The following C12orf42 variants were observed in gnomAD, a reference collection of about 807,000 sequenced individuals.
The protein encoded by C12orf42 is uncharacterized protein C12orf42.
C12orf42 carries 25 observed loss-of-function variants against 21.6 expected under a neutral mutation model. The ratio of observed to expected loss-of-function variants is 1.16; its 90% CI spans 0.84 to 1.62. C12orf42 has a LOEUF of 1.62. Ranked by LOEUF, C12orf42 falls within the 40% of genes most tolerant of loss-of-function variation. The probability of loss-of-function intolerance (pLI) is 0.00; values close to 1 mark genes in which losing one functional copy is unlikely to be tolerated. For synonymous variants in C12orf42, 174 were observed against 175.0 expected (o/e 0.99, Z 0.05); for missense variants, 483 against 459.3 (o/e 1.05, Z -0.47).
At chr12:103,497,982 C>T (rs192615663), upstream of C12orf42, among the ~76,000 whole-genome samples, 17 of 151,644 alleles carry the variant, frequency 1.1e-4, no homozygotes, top group Middle Eastern at 3.4e-3. Context: ...TTGCAGTGAG[C>T]AGAGACAGCG....
At chr12:103,560,335 G>A in the C12orf42 span, among the ~76,000 whole-genome samples, 4 of 152,282 alleles carry the variant, frequency 2.6e-5, no homozygotes, top group South Asian at 8.3e-4. Flanking sequence ...TGAAGCCAGA[G>A]ACAGTGGATG....
chr12:103,164,551 A>G, the C12orf42 span: 1 of 433,226 alleles, frequency 2.3e-6, no homozygotes, highest in African/African-American at 2.0e-5. Flanking sequence ...TCTAAGGCAC[A>G]GGGGGTGGGT....
chr12:103,175,548 C>A, the C12orf42 span, among the ~76,000 whole-genome samples: 1 of 152,266 alleles, frequency 6.6e-6, no homozygotes, highest in South Asian at 2.1e-4. Context: ...GTGGCCTCGA[C>A]TGCCAAAAAG....
the C12orf42 span, among the ~76,000 whole-genome samples, chr12:103,501,761 G>A: frequency 6.6e-6 from 1 of 152,102 alleles, no homozygotes; most frequent in Non-Finnish European, 1.5e-5. Flanking sequence ...TTACACAAAA[G>A]CACCATTTGG....
At chr12:103,379,590 G>A (rs1006847278) in intron 3 of C12orf42, among the ~76,000 whole-genome samples, 12 of 152,276 alleles carry the variant, frequency 7.9e-5, no homozygotes, top group South Asian at 2.1e-4. Flanking sequence ...TCTCTGTAGC[G>A]ATGGGGTTTG....
At chr12:103,532,556 G>C in the C12orf42 span, among the ~76,000 whole-genome samples, 1 of 152,072 alleles carries the variant, frequency 6.6e-6, no homozygotes, top group African/African-American at 2.4e-5. Context: ...ACATGTATTT[G>C]ATTGGCAGTA....
chr12:103,457,015 T>A (rs543007690), intron 2 of C12orf42, among the ~76,000 whole-genome samples: 11 of 152,180 alleles, frequency 7.2e-5, no homozygotes, highest in Non-Finnish European at 1.5e-4. Context: ...CTAAGAAGCT[T>A]AAATAACCCA....
intron 2 of C12orf42, among the ~76,000 whole-genome samples, chr12:103,471,036 T>G (rs1279321109): frequency 1.3e-5 from 2 of 152,212 alleles, no homozygotes; most frequent in Admixed American, 1.3e-4. Flanking sequence ...ATTGTTGTTT[T>G]ATACTCCTGT....
At chr12:103,209,451 G>A in the C12orf42 span, among the ~76,000 whole-genome samples, 355 of 152,282 alleles carry the variant, frequency 2.3e-3, 2 homozygotes, top group African/African-American at 8.3e-3. Flanking sequence ...CACCTTTTCA[G>A]CAAAGTTTCC....
At chr12:103,506,487 T>C in the C12orf42 span, among the ~76,000 whole-genome samples, 6 of 152,136 alleles carry the variant, frequency 3.9e-5, no homozygotes, top group African/African-American at 1.4e-4. Flanking sequence ...AATTTTACTG[T>C]ACGTTTTCTT....
intron 4 of C12orf42, among the ~76,000 whole-genome samples, chr12:103,359,102 C>G (rs1336284891): frequency 6.6e-6 from 1 of 152,052 alleles, no homozygotes; most frequent in Non-Finnish European, 1.5e-5. Context: ...GGCCAAATGT[C>G]AATTCCTCAG....
At chr12:103,149,311 G>T in the C12orf42 span, among the ~76,000 whole-genome samples, 1 of 152,136 alleles carries the variant, frequency 6.6e-6, no homozygotes, top group Non-Finnish European at 1.5e-5. Flanking sequence ...GATAAAGGTT[G>T]CCCCAAGAGG....
chr12:103,168,026 A>C, the C12orf42 span: 1 of 455,330 alleles, frequency 2.2e-6, no homozygotes, highest in East Asian at 7.0e-5. Flanking sequence ...ATGTACATGC[A>C]TCTCTTTATA....
rs79348892 is a variant in C12orf42 at position 103,337,290 on chromosome 12, G to A, written c.260-30945C>T. 3.4e-3 allele frequency among the ~76,000 whole-genome samples: 521 copies of A among 152,326 alleles called. 3 individuals are homozygous for A. The highest frequency in any genetic ancestry group is 0.01 in the Middle Eastern group (3 of 294). The stretch of plus-strand genomic sequence containing the variant: ...TTATAAGTCCCACTGGAGTTCTGGG[G>A]ACAAGAGTCTGAGACTGTGAAGAAG... On this transcript the variant is annotated intron_variant, in intron 4 of 5. Transcript: ENST00000548883.
At chr12:103,101,972 G>A in the C12orf42 span, among the ~76,000 whole-genome samples, 2 of 152,250 alleles carry the variant, frequency 1.3e-5, no homozygotes, top group African/African-American at 4.8e-5. Flanking sequence ...CCAAGAGAAA[G>A]AGCAAAGGTG....
intron 4 of C12orf42, among the ~76,000 whole-genome samples, chr12:103,338,485 A>G (rs147117182): frequency 6.6e-6 from 1 of 152,348 alleles, no homozygotes; most frequent in Non-Finnish European, 1.5e-5. Context: ...TGGCTCTGGT[A>G]CAGCAAGCGC....
intron 2 of C12orf42, among the ~76,000 whole-genome samples, chr12:103,413,578 T>C (rs1303756727): frequency 3.9e-5 from 6 of 152,116 alleles, no homozygotes; most frequent in Admixed American, 3.9e-4. Flanking sequence ...GGTGCATCCA[T>C]TACCTGAGCA....
the C12orf42 span, among the ~76,000 whole-genome samples, chr12:103,232,480 G>A: frequency 3.3e-5 from 5 of 151,978 alleles, no homozygotes; most frequent in African/African-American, 7.3e-5. Flanking sequence ...AGGCCGAGGC[G>A]GGCGGATCAT....
chr12:103,249,803 G>A (rs539151512), intron 10 of C12orf42, among the ~76,000 whole-genome samples: 22 of 152,150 alleles, frequency 1.4e-4, no homozygotes, highest in Non-Finnish European at 2.2e-4. Flanking sequence ...TTACCCATTC[G>A]TTAGGAAACA....
Sources: allele counts gnomAD v4.1 joint callset (sites outside exome capture counted in the v4.1 genomes callset), GRCh38; gene constraint gnomAD v4.1.1; transcripts MANE v1.5; gene names NCBI Gene and HGNC (gene_info 2026-07-23, HGNC 2026-07-21).